SPIDR: variants seen among roughly 807,000 people sequenced by gnomAD.
SPIDR encodes the protein scaffold protein involved in DNA repair.
SPIDR carries 93 observed loss-of-function variants against 104.6 expected under a neutral mutation model. That is an observed-to-expected ratio of 0.89 (90% CI 0.75 to 1.06). The LOEUF (loss-of-function observed/expected upper bound fraction) is 1.06. Among genes scored for constraint, SPIDR ranks in the 50% least tolerant of loss-of-function variants. The pLI is 0.00. For synonymous variants in SPIDR, 431 were observed against 416.9 expected (o/e 1.03, Z -0.41); for missense variants, 1,154 against 1,111.2 (o/e 1.04, Z -0.55).
At chr8:47,694,332 C>G (rs999310547) in intron 11 of SPIDR, among the ~76,000 whole-genome samples, 2 of 152,094 alleles carry the variant, frequency 1.3e-5, no homozygotes, top group Non-Finnish European at 2.9e-5. Flanking sequence ...GTCTCTGGCA[C>G]GTAGAGACCC....
At chr8:47,359,328 A>G (rs1055000490) in intron 5 of SPIDR, among the ~76,000 whole-genome samples, 7 of 151,668 alleles carry the variant, frequency 4.6e-5, no homozygotes, top group African/African-American at 1.7e-4. Flanking sequence ...GGCACATTCG[A>G]TGAAAGTTTC....
At chr8:47,316,575 A>G (rs1254744637) in intron 5 of SPIDR, among the ~76,000 whole-genome samples, 1 of 152,210 alleles carries the variant, frequency 6.6e-6, no homozygotes, top group Admixed American at 6.5e-5. Flanking sequence ...TTTCAAATAC[A>G]TGGTAGGTGA....
At chr8:47,442,321 A>G (rs890666004) in intron 8 of SPIDR, among the ~76,000 whole-genome samples, 13 of 152,220 alleles carry the variant, frequency 8.5e-5, no homozygotes, top group African/African-American at 3.1e-4. Context: ...TAAATATTCA[A>G]TTATGTATTT....
At position 47,497,976 on chromosome 8, in the gene SPIDR, G is replaced by A. The variant is rs12548686; in HGVS notation, c.1097+57434G>A. ...ATACAGTGCTTCGTTGCTGAAAGAA[G>A]GCATGCATTTGCACAGCAGAGTTAT... On this transcript the variant is annotated intron_variant, in intron 8 of 19. Coordinates refer to ENST00000297423, the MANE Select transcript of SPIDR (RefSeq NM_001080394.4). Among the ~76,000 whole-genome samples the A allele has an allele frequency of 6.3e-3, 961 of 152,248 alleles. 8 individuals carry two copies. Among genetic ancestry groups the A allele is most frequent in the Non-Finnish European group, 0.011 (722 of 68,020 alleles).
chr8:47,706,806 C>T (rs867094360), intron 14 of SPIDR, among the ~76,000 whole-genome samples: 2 of 152,254 alleles, frequency 1.3e-5, no homozygotes, highest in South Asian at 2.1e-4. Context: ...CTCACACTTC[C>T]GGAGGCCAGA....
At chr8:47,280,313 A>G (rs1382085005) in intron 2 of SPIDR, among the ~76,000 whole-genome samples, 1 of 150,714 alleles carries the variant, frequency 6.6e-6, no homozygotes, top group Non-Finnish European at 1.5e-5. Context: ...GCGCAATCAT[A>G]GCTCATGGCA....
In SPIDR at chr8:47,320,745, C is replaced by G. The variant is rs894721453; in HGVS notation, c.525+26715C>G. ...CCAGCATCACATGGAAAAGCTTATCCACCATGATCAAGTGGGCTTCATCCC... is the reference window on the plus strand; with the variant it reads ...CCAGCATCACATGGAAAAGCTTATCGACCATGATCAAGTGGGCTTCATCCC... On this transcript the variant is annotated intron_variant, in intron 5 of 19. Transcript: ENST00000297423. Among the ~76,000 whole-genome samples, 2 of 152,138 alleles carry G rather than the reference C, an allele frequency of 1.3e-5. 1 individual carries two copies. The highest frequency in any genetic ancestry group is 4.8e-5 in the African/African-American group (2 of 41,426).
chr8:47,465,180 G>A (rs1168088612), intron 8 of SPIDR, among the ~76,000 whole-genome samples: 3 of 152,156 alleles, frequency 2.0e-5, no homozygotes, highest in Non-Finnish European at 4.4e-5. Context: ...GAGGGAATTT[G>A]TTACTACCTG....
chr8:47,412,230 A>G (rs1449000204), intron 7 of SPIDR, among the ~76,000 whole-genome samples: 6 of 152,216 alleles, frequency 3.9e-5, no homozygotes, highest in African/African-American at 1.2e-4. Flanking sequence ...CATTGAATCT[A>G]TAAATTACCT....
chr8:47,459,988 G>A (rs1165139643), intron 8 of SPIDR, among the ~76,000 whole-genome samples: 1 of 152,108 alleles, frequency 6.6e-6, no homozygotes, highest in Non-Finnish European at 1.5e-5. Flanking sequence ...ATTCCACTGT[G>A]GTCTGAAAGA....
intron 3 of SPIDR, among the ~76,000 whole-genome samples, chr8:47,287,433 A>AT (rs1187172082): frequency 6.6e-6 from 1 of 151,878 alleles, no homozygotes; most frequent in Admixed American, 6.6e-5. Flanking sequence ...ACCAGGGTGG[A>AT]TTTTTTTTCC....
intron 5 of SPIDR, among the ~76,000 whole-genome samples, chr8:47,340,780 A>C (rs1166620846): frequency 1.3e-5 from 2 of 152,214 alleles, no homozygotes; most frequent in Non-Finnish European, 2.9e-5. Context: ...TCATTCCTGC[A>C]TAATGAAACT....
At chr8:47,596,745 T>C (rs1407139484) in intron 9 of SPIDR, among the ~76,000 whole-genome samples, 1 of 152,230 alleles carries the variant, frequency 6.6e-6, no homozygotes, top group Admixed American at 6.5e-5. Flanking sequence ...ACTTTTTTAC[T>C]CTTTTATAGC....
chr8:47,646,372 G>A (rs1024454323), intron 10 of SPIDR, among the ~76,000 whole-genome samples: 1 of 152,188 alleles, frequency 6.6e-6, no homozygotes, highest in African/African-American at 2.4e-5. Flanking sequence ...AGATGTGTGT[G>A]TGTGAATTTT....
chr8:47,717,993 G>A (rs961724480), intron 16 of SPIDR, among the ~76,000 whole-genome samples: 1 of 152,148 alleles, frequency 6.6e-6, no homozygotes, highest in African/African-American at 2.4e-5. Context: ...CATGCTGTTG[G>A]CACCCTCCTT....
chr8:47,574,450 A>G (rs887991416), intron 8 of SPIDR, among the ~76,000 whole-genome samples: 2 of 152,114 alleles, frequency 1.3e-5, no homozygotes, highest in Non-Finnish European at 1.5e-5. Flanking sequence ...ACATCAAAAC[A>G]TCCAACCATT....
At chr8:47,307,161 A>G (rs2043222122) in intron 5 of SPIDR, among the ~76,000 whole-genome samples, 1 of 146,806 alleles carries the variant, frequency 6.8e-6, no homozygotes, top group Admixed American at 6.8e-5. Context: ...CATTTCCTGC[A>G]TTACTGTCTT....
chr8:47,491,718 G>A (rs765525609), intron 8 of SPIDR, among the ~76,000 whole-genome samples: 3 of 151,914 alleles, frequency 2.0e-5, no homozygotes, highest in Non-Finnish European at 4.4e-5. Flanking sequence ...GCATGGTGGC[G>A]TACACCTGTA....
intron 5 of SPIDR, among the ~76,000 whole-genome samples, chr8:47,368,804 A>G (rs2057597817): frequency 6.6e-6 from 1 of 152,218 alleles, no homozygotes; most frequent in South Asian, 2.1e-4. Context: ...ATTAGCATCA[A>G]AGAATTCTGG....
Sources: gnomAD v4.1 joint callset for allele counts (sites outside exome capture counted in the v4.1 genomes callset) on GRCh38, gnomAD v4.1.1 for gene constraint, MANE v1.5 for transcripts, NCBI Gene and HGNC (gene_info 2026-07-23, HGNC 2026-07-21) for gene names.